Variants in SHLD1 observed in about 807,000 individuals in gnomAD.
The protein encoded by SHLD1 is RINN1-REV7-interacting novel NHEJ regulator 3.
Under a neutral mutation model 5.5 loss-of-function variants are expected in SHLD1, and 3 were observed. That is an observed-to-expected ratio of 0.54 (90% CI 0.25 to 1.40). SHLD1 has a LOEUF of 1.40. SHLD1 is among the 40% of genes most tolerant of loss of function. The pLI is 0.15. For missense variants in SHLD1, 210 were observed against 244.4 expected (o/e 0.86, Z 0.94); for synonymous variants, 92 against 94.3 (o/e 0.98, Z 0.14).
chr20:5,824,905 C>A lies in SHLD1; in HGVS notation c.179-38119C>A, dbSNP rs117247832. ...ACGTACTTTGACTGCTACGGTCACT[C>A]GAAGCTTCCTTTTCAAAACCACAGG... is the stretch of plus-strand genomic sequence containing the variant. On this transcript the variant is annotated intron_variant, in intron 2 of 2. Coordinates refer to ENST00000303142, the MANE Select transcript of SHLD1 (RefSeq NM_152504.4). Among the ~76,000 whole-genome samples the A allele has an allele frequency of 2.1e-3, 323 of 152,228 alleles. 1 individual carries two copies. The highest frequency in any genetic ancestry group is 3.8e-3 in the Non-Finnish European group (260 of 68,028).
At chr20:5,799,843 A>G (rs1255641534) in intron 2 of SHLD1, among the ~76,000 whole-genome samples, 1 of 152,206 alleles carries the variant, frequency 6.6e-6, no homozygotes, top group Non-Finnish European at 1.5e-5. Flanking sequence ...CATTGACCTA[A>G]ACATGAGAAC....
chr20:5,857,499 C>T (rs186299405), intron 2 of SHLD1, among the ~76,000 whole-genome samples: 3,086 of 152,194 alleles, frequency 0.02, 54 homozygotes, highest in Middle Eastern at 0.044. Flanking sequence ...AATCCTGATA[C>T]TTTTTCATTT....
intron 2 of SHLD1, among the ~76,000 whole-genome samples, chr20:5,829,058 G>A (rs1250379302): frequency 1.3e-5 from 2 of 151,362 alleles, no homozygotes; most frequent in East Asian, 3.9e-4. Flanking sequence ...AATTATTTTT[G>A]TAGAGACAGA....
In SHLD1 at chr20:5,855,630, C is replaced by G. The variant is rs1187222423; in HGVS notation, c.179-7394C>G. 2.6e-5 allele frequency among the ~76,000 whole-genome samples: 4 copies of G among 152,190 alleles called. No individual in the cohort carries two copies. The highest frequency in any genetic ancestry group is 5.9e-5 in the Non-Finnish European group (4 of 68,044). ...CAAGAGATCCACTTTCCTTGGCCCC[C>G]CAAAGTGCTGGGATTATAGACATGA... On this transcript the variant is annotated intron_variant, in intron 2 of 2. Transcript: ENST00000303142. The surrounding 1 kb of genome is among the most constrained non-coding windows in gnomAD (Gnocchi z 4.4).
At chr20:5,815,278 G>A (rs976059563) in intron 2 of SHLD1, among the ~76,000 whole-genome samples, 3 of 152,228 alleles carry the variant, frequency 2.0e-5, no homozygotes, top group South Asian at 4.1e-4. Flanking sequence ...ATATAGGGCA[G>A]CCTGGGAATC....
At chr20:5,751,139 C>T (rs1265696149) in intron 1 of SHLD1, among the ~76,000 whole-genome samples, 2 of 152,220 alleles carry the variant, frequency 1.3e-5, no homozygotes, top group African/African-American at 4.8e-5. Flanking sequence ...ATTCTACATT[C>T]ACCACGTCCA....
Position 5,833,647 on chromosome 20 carries a change from C to CAG in SHLD1, c.179-29363_179-29362dup, listed in dbSNP as rs528382827. 1.1e-3 allele frequency among the ~76,000 whole-genome samples: 163 copies of CAG among 148,928 alleles called. 1 individual carries two copies. Among genetic ancestry groups the CAG allele is most frequent in the South Asian group, 4.9e-3 (23 of 4,658 alleles). ...AGAGAGAGACAGAGACAGGGAGAAA[C>CAG]AGAGAGAGAGAGAGACAGAGACAGG... On this transcript the variant is annotated intron_variant, in intron 2 of 2. Transcript: ENST00000303142.
chr20:5,834,504 A>G (rs906332833), intron 2 of SHLD1, among the ~76,000 whole-genome samples: 10 of 152,316 alleles, frequency 6.6e-5, no homozygotes, highest in Admixed American at 2.0e-4. Flanking sequence ...CTTGTCCTCA[A>G]TGTGAAAAAA....
At chr20:5,752,613 G>C (rs760191002) in intron 1 of SHLD1, among the ~76,000 whole-genome samples, 28 of 128,526 alleles carry the variant, frequency 2.2e-4, no homozygotes, top group Non-Finnish European at 4.0e-4. Context: ...ATATATTTTG[G>C]GGTTTTTTTT....
chr20:5,787,151 A>G (rs2087070877), intron 2 of SHLD1, among the ~76,000 whole-genome samples: 1 of 152,200 alleles, frequency 6.6e-6, no homozygotes, highest in Non-Finnish European at 1.5e-5. Flanking sequence ...GTGATTTTCA[A>G]CAAACCTCCA....
Position 5,863,079 on chromosome 20 carries a change from G to T in SHLD1, c.234G>T (p.Trp78Cys). The T allele has an allele frequency of 6.2e-7, 1 of 1,614,122 alleles. No homozygotes were observed. The stretch of plus-strand genomic sequence containing the variant: ...ACTCCTGGACCGCTGAGAACTTCTG[G>T]CTTGACCCTGCTGTGAAAGGCCAGT... The part of the protein sequence containing the change: ...QNNSWTAENF[W>C]LDPAVKGQSE... Residue 78 changes from tryptophan to cysteine, a missense_variant, in exon 3 of 3, where the codon TGG (tryptophan) becomes TGT (cysteine). Trp to Cys is a radical substitution (Grantham distance 215). Transcript: ENST00000303142.
chr20:5,832,399 C>T (rs201327741), intron 2 of SHLD1, among the ~76,000 whole-genome samples: 54 of 152,324 alleles, frequency 3.5e-4, no homozygotes, highest in African/African-American at 1.1e-3. Context: ...GGGGCTTTCA[C>T]GTCTTGCTGG....
intron 1 of SHLD1, among the ~76,000 whole-genome samples, chr20:5,756,272 G>A (rs1172422052): frequency 6.6e-6 from 1 of 151,360 alleles, no homozygotes; most frequent in Admixed American, 6.6e-5. Context: ...GCAATATAGT[G>A]AGACCCCCAT....
At chr20:5,754,151 C>T (rs1163696099) in intron 1 of SHLD1, among the ~76,000 whole-genome samples, 2 of 152,068 alleles carry the variant, frequency 1.3e-5, no homozygotes, top group African/African-American at 2.4e-5. Flanking sequence ...TGCTCTGTCA[C>T]CCAGGCTGGA....
intron 2 of SHLD1, among the ~76,000 whole-genome samples, chr20:5,801,419 A>G (rs2087292504): frequency 6.6e-6 from 1 of 152,182 alleles, no homozygotes; most frequent in Non-Finnish European, 1.5e-5. Context: ...AGAGGCAAAA[A>G]GAGAACTCCG....
intron 2 of SHLD1, among the ~76,000 whole-genome samples, chr20:5,832,931 A>T (rs2087747011): frequency 6.6e-6 from 1 of 152,170 alleles, no homozygotes; most frequent in Non-Finnish European, 1.5e-5. Context: ...ATAACAGAAG[A>T]TTTGCTTTTC....
intron 2 of SHLD1, among the ~76,000 whole-genome samples, chr20:5,853,727 T>A (rs2088042289): frequency 1.3e-5 from 2 of 152,140 alleles, no homozygotes; most frequent in Non-Finnish European, 2.9e-5. Context: ...GCCTGGGTAT[T>A]CCCTAGACTA....
At chr20:5,769,719 C>T (rs575579568) in intron 1 of SHLD1, among the ~76,000 whole-genome samples, 67 of 151,644 alleles carry the variant, frequency 4.4e-4, no homozygotes, top group Admixed American at 3.3e-3. Context: ...GAAATGCCTA[C>T]GTGGCTGAGC....
chr20:5,844,501 T>C (rs2122475824), intron 2 of SHLD1, among the ~76,000 whole-genome samples: 1 of 152,240 alleles, frequency 6.6e-6, no homozygotes, highest in South Asian at 2.1e-4. Flanking sequence ...CTTCTGTGTT[T>C]GACACTCCCA....
Sources: gnomAD v4.1 joint callset for allele counts (sites outside exome capture counted in the v4.1 genomes callset) on GRCh38, gnomAD v4.1.1 for gene constraint, Gnocchi (gnomAD v3.1) non-coding constraint, MANE v1.5 for transcripts, NCBI Gene and HGNC (gene_info 2026-07-23, HGNC 2026-07-21) for gene names.